Variants in LIPI observed in about 807,000 individuals in gnomAD.
The protein encoded by LIPI is lipase I.
A neutral mutation model predicts 50.6 loss-of-function variants in LIPI; 59 were observed. That is an observed-to-expected ratio of 1.16 (90% CI 0.94 to 1.45). LIPI has a LOEUF of 1.45. Among genes scored for constraint, LIPI ranks in the 40% most tolerant of loss-of-function variants. LIPI has a pLI of 0.00. For synonymous variants in LIPI, 203 were observed against 178.2 expected (o/e 1.14, Z -1.11); for missense variants, 586 against 536.3 (o/e 1.09, Z -0.92).
chr21:14,170,486 T>C (rs2018857561), intron 4 of LIPI, among the ~76,000 whole-genome samples: 1 of 152,112 alleles, frequency 6.6e-6, no homozygotes, highest in Admixed American at 6.5e-5. Flanking sequence ...GCAAACCGAA[T>C]CCAGCAGCAC....
At chr21:14,193,950 CACAA>C (rs1308437869) in intron 1 of LIPI, among the ~76,000 whole-genome samples, 3 of 151,916 alleles carry the variant, frequency 2.0e-5, no homozygotes, top group Non-Finnish European at 4.4e-5. Context: ...ACAACAAAAA[CACAA>C]ACAACCCAAT....
At chr21:14,147,853 C>T (rs2017959427) in intron 8 of LIPI, among the ~76,000 whole-genome samples, 3 of 152,150 alleles carry the variant, frequency 2.0e-5, no homozygotes, top group Admixed American at 2.0e-4. Flanking sequence ...CTCCCTTACC[C>T]TGTTTTTTTG....
chr21:14,203,914 G>T (rs1248456632), intron 1 of LIPI, among the ~76,000 whole-genome samples: 1 of 152,036 alleles, frequency 6.6e-6, no homozygotes, highest in South Asian at 2.1e-4. Flanking sequence ...CCTTAAAAAT[G>T]AATGAGATCA....
At chr21:14,130,412 A>G (rs990020031) in intron 9 of LIPI, among the ~76,000 whole-genome samples, 6 of 152,154 alleles carry the variant, frequency 3.9e-5, no homozygotes, top group Non-Finnish European at 5.9e-5. Context: ...GACCAAGTTC[A>G]AGTTGACATT....
rs534877223 is a variant in LIPI, at chr21:14,181,873, A to C, written c.542-14T>G. The C allele has an allele frequency of 6.9e-5, 102 of 1,469,214 alleles. 1 individual carries two copies. The South Asian group carries it at 8.3e-4, about 12-fold the overall frequency. The allele number at this position is 1,469,214 out of a possible 1,614,324, so 91.0% of individuals were successfully genotyped here. ...CAGGGTCAAGACCTGGAAAGCAAGA[A>C]AGAAATAATCAGTCTCATCAAGTCC... On this transcript the variant is annotated splice_polypyrimidine_tract_variant and intron_variant, in intron 3 of 9. Coordinates refer to ENST00000681601, the MANE Select transcript of LIPI (RefSeq NM_001302998.2).
chr21:14,147,283 ATT>A (rs2123072982), intron 8 of LIPI, among the ~76,000 whole-genome samples: 1 of 152,094 alleles, frequency 6.6e-6, no homozygotes, highest in East Asian at 1.9e-4. Context: ...CCCTATTTTA[ATT>A]TTCTATATAC....
At chr21:14,141,284 T>G (rs1430753774) in intron 9 of LIPI, among the ~76,000 whole-genome samples, 1 of 152,094 alleles carries the variant, frequency 6.6e-6, no homozygotes, top group Admixed American at 6.6e-5. Flanking sequence ...TTCTCTATTT[T>G]TATATCTCCT....
At chr21:14,159,396 A>C (rs571116697) in intron 7 of LIPI, among the ~76,000 whole-genome samples, 2 of 151,636 alleles carry the variant, frequency 1.3e-5, no homozygotes, top group African/African-American at 4.8e-5. Flanking sequence ...TAAAGAAAAA[A>C]ATTATATGAT....
intron 7 of LIPI, among the ~76,000 whole-genome samples, chr21:14,155,252 A>G (rs2018233465): frequency 6.6e-6 from 1 of 152,030 alleles, no homozygotes; most frequent in Non-Finnish European, 1.5e-5. Flanking sequence ...TAATAAAAGA[A>G]GAAATCAGTG....
intron 9 of LIPI, among the ~76,000 whole-genome samples, chr21:14,121,393 C>A (rs2016856058): frequency 6.6e-6 from 1 of 152,150 alleles, no homozygotes; most frequent in Non-Finnish European, 1.5e-5. Context: ...GTCAGGTGTA[C>A]CCCTACTACA....
intron 9 of LIPI, among the ~76,000 whole-genome samples, chr21:14,132,230 A>G (rs2017323707): frequency 6.6e-6 from 1 of 152,206 alleles, no homozygotes; most frequent in African/African-American, 2.4e-5. Flanking sequence ...CCAGGCAAAT[A>G]CACTGCAAAT....
intron 1 of LIPI, among the ~76,000 whole-genome samples, chr21:14,208,521 T>C (rs2020283314): frequency 6.6e-6 from 1 of 152,240 alleles, no homozygotes; most frequent in Admixed American, 6.5e-5. Context: ...GAATGTTTTT[T>C]ACATGTTTAA....
intron 8 of LIPI, 61 bp downstream of exon 8, chr21:14,152,512 G>A (rs1391712699): frequency 8.9e-6 from 7 of 786,024 alleles, no homozygotes; most frequent in Admixed American, 2.1e-5. Context: ...TCTGTTGGAT[G>A]GGATACTGAA....
chr21:14,183,005 C>T (rs1033324812), intron 3 of LIPI, among the ~76,000 whole-genome samples: 19 of 151,962 alleles, frequency 1.3e-4, no homozygotes, highest in Non-Finnish European at 2.4e-4. Context: ...AAAAAAGAGC[C>T]CGCATCGCCA....
chr21:14,126,622 A>G (rs1208902419), intron 9 of LIPI, among the ~76,000 whole-genome samples: 2 of 152,162 alleles, frequency 1.3e-5, no homozygotes, highest in Non-Finnish European at 2.9e-5. Context: ...CTATTTATAT[A>G]TCATTTATAT....
intron 7 of LIPI, among the ~76,000 whole-genome samples, chr21:14,155,286 A>G (rs2018234897): frequency 6.6e-6 from 1 of 151,948 alleles, no homozygotes; most frequent in Non-Finnish European, 1.5e-5. Flanking sequence ...GTCAATCTTA[A>G]TGACAGAGAA....
intron 5 of LIPI, 132 bp downstream of exon 5, chr21:14,166,230 A>G: frequency 1.4e-6 from 1 of 699,586 alleles, no homozygotes; most frequent in Non-Finnish European, 2.6e-6. Flanking sequence ...TTGTTAACCA[A>G]TGACTCTCCT....
intron 4 of LIPI, among the ~76,000 whole-genome samples, chr21:14,167,728 C>T (rs530054589): frequency 6.6e-6 from 1 of 152,170 alleles, no homozygotes; most frequent in East Asian, 1.9e-4. Context: ...TCACCATCAT[C>T]AAAGACCAAA....
At chr21:14,148,499 T>C (rs75711475) in intron 8 of LIPI, among the ~76,000 whole-genome samples, 2,516 of 152,308 alleles carry the variant, frequency 0.017, 37 homozygotes, top group Non-Finnish European at 0.027. Flanking sequence ...TATGACACTA[T>C]ATTTTCACTG....
Sources: gnomAD v4.1 joint callset for allele counts (sites outside exome capture counted in the v4.1 genomes callset) on GRCh38, gnomAD v4.1.1 for gene constraint, MANE v1.5 for transcripts, NCBI Gene and HGNC (gene_info 2026-07-23, HGNC 2026-07-21) for gene names.